TMC1: variants seen among roughly 807,000 people sequenced by gnomAD.
TMC1 encodes transmembrane channel-like protein 1.
In TMC1, 84 loss-of-function variants were observed where a neutral mutation model predicts 105.8. That is an observed-to-expected ratio of 0.79 (90% CI 0.67 to 0.95). The LOEUF (loss-of-function observed/expected upper bound fraction) is 0.95. Among genes scored for constraint, TMC1 ranks in the 40% least tolerant of loss-of-function variants. The probability of loss-of-function intolerance (pLI) is 0.00; values close to 1 mark genes in which losing one functional copy is unlikely to be tolerated. For synonymous variants in TMC1, 315 were observed against 311.5 expected, an observed-to-expected ratio of 1.01 and a Z score of -0.12; for missense variants, 817 against 914.1, an observed-to-expected ratio of 0.89 and a Z score of 1.37.
At chr9:72,652,771 A>C (rs11143366) in intron 5 of TMC1, among the ~76,000 whole-genome samples, 35,427 of 152,118 alleles carry the variant, frequency 0.23, 4,406 homozygotes, top group East Asian at 0.38. Flanking sequence ...ATGTATCAAT[A>C]GATTCTATGA....
intron 8 of TMC1, among the ~76,000 whole-genome samples, chr9:72,725,573 C>G (rs578029318): frequency 8.3e-4 from 126 of 151,488 alleles, no homozygotes; most frequent in Admixed American, 4.8e-3. Context: ...GGAGGCTAGG[C>G]CAGTCTCTCA....
chr9:72,708,665 T>C (rs993461504), intron 8 of TMC1, among the ~76,000 whole-genome samples: 1 of 152,178 alleles, frequency 6.6e-6, no homozygotes, highest in African/African-American at 2.4e-5. Flanking sequence ...AGGAGCTTTT[T>C]GGAGGAGTCT....
rs531483984 is a variant in TMC1 at position 72,837,668 on chromosome 9, G to A, written c.*1695G>A. 4.5e-4 allele frequency: 68 copies of A among 152,282 alleles called. No homozygotes were observed. The highest frequency in any genetic ancestry group is 1.6e-3 in the African/African-American group (65 of 41,552). The allele number at this position is 152,282 out of a possible 1,614,324, so 9.4% of individuals were successfully genotyped here. On this transcript the variant is annotated 3_prime_UTR_variant, in exon 24 of 24. Coordinates refer to ENST00000297784, the MANE Select transcript of TMC1 (RefSeq NM_138691.3). The stretch of plus-strand genomic sequence containing the variant: ...AGTGCCCTCACTAGCCTTGTTGTGC[G>A]ACTTTAATTGCATAGCTTAACTCAG...
At chr9:72,769,284 C>T (rs951585933) in intron 12 of TMC1, among the ~76,000 whole-genome samples, 1 of 152,162 alleles carries the variant, frequency 6.6e-6, no homozygotes, top group African/African-American at 2.4e-5. Flanking sequence ...AATAATAATT[C>T]CTCCCTTGTC....
In TMC1 at chr9:72,642,080, G is replaced by A. The variant is rs549035574; in HGVS notation, c.-52-6517G>A. ...GATCCGCCTGCCTTGGCCTCCCAAG[G>A]TGCTGGGATTACAGGAGTGAGCCAC... On this transcript the variant is annotated intron_variant, in intron 4 of 23. Coordinates refer to ENST00000297784, the MANE Select transcript of TMC1 (RefSeq NM_138691.3). Among the ~76,000 whole-genome samples, 596 of 152,120 alleles carry A rather than the reference G, an allele frequency of 3.9e-3. 3 individuals carry two copies. The highest frequency in any genetic ancestry group is 0.011 in the South Asian group (55 of 4,822).
intron 2 of TMC1, among the ~76,000 whole-genome samples, chr9:72,588,208 G>A (rs1288195382): frequency 2.0e-5 from 3 of 152,084 alleles, no homozygotes; most frequent in South Asian, 2.1e-4. Context: ...ATTTAAAGAC[G>A]GCTTCACTCC....
intron 5 of TMC1, among the ~76,000 whole-genome samples, chr9:72,671,177 A>T (rs1015769712): frequency 6.6e-6 from 1 of 152,222 alleles, no homozygotes; most frequent in African/African-American, 2.4e-5. Context: ...TGGGGCATAT[A>T]ATACAATGGG....
chr9:72,618,873 T>C (rs1034770587), intron 3 of TMC1, among the ~76,000 whole-genome samples: 2 of 152,194 alleles, frequency 1.3e-5, no homozygotes, highest in Non-Finnish European at 2.9e-5. Context: ...GAAACCTCAG[T>C]ATAAACTCAT....
chr9:72,745,170 G>C (rs1827468708), intron 10 of TMC1, among the ~76,000 whole-genome samples: 1 of 152,028 alleles, frequency 6.6e-6, no homozygotes, highest in Non-Finnish European at 1.5e-5. Context: ...CATTTATTGA[G>C]TACCACCATG....
At chr9:72,727,417 G>GA (rs1383030533) in intron 8 of TMC1, among the ~76,000 whole-genome samples, 4 of 151,302 alleles carry the variant, frequency 2.6e-5, no homozygotes, top group Non-Finnish European at 5.9e-5. Flanking sequence ...ATTACTTAAA[G>GA]AAAAAAAAGA....
At chr9:72,753,957 A>G (rs547072372) in intron 11 of TMC1, among the ~76,000 whole-genome samples, 2 of 152,296 alleles carry the variant, frequency 1.3e-5, no homozygotes, top group African/African-American at 4.8e-5. Flanking sequence ...GAGGTTGTGC[A>G]GCTTGTGCAC....
chr9:72,525,723 C>A (rs893825296), intron 1 of TMC1, among the ~76,000 whole-genome samples: 1 of 152,210 alleles, frequency 6.6e-6, no homozygotes, highest in Non-Finnish European at 1.5e-5. Flanking sequence ...TGCGGTGGCT[C>A]ACGCCTGTAA....
intron 5 of TMC1, among the ~76,000 whole-genome samples, chr9:72,655,283 C>A (rs926167200): frequency 2.0e-5 from 3 of 152,134 alleles, no homozygotes; most frequent in Non-Finnish European, 2.9e-5. Context: ...AAACCTCTTT[C>A]CTTTATAAAT....
chr9:72,731,488 G>A (rs757859595), intron 8 of TMC1, among the ~76,000 whole-genome samples: 11 of 152,182 alleles, frequency 7.2e-5, no homozygotes, highest in Non-Finnish European at 1.5e-4. Flanking sequence ...TTAGAGAAAT[G>A]AAACAGCATA....
chr9:72,720,290 A>C (rs1039142576), intron 8 of TMC1, among the ~76,000 whole-genome samples: 12 of 152,228 alleles, frequency 7.9e-5, no homozygotes, highest in Non-Finnish European at 2.9e-5. Flanking sequence ...CCCAGAAGTC[A>C]CAAACCTGAA....
chr9:72,554,125 T>G (rs1191151367), intron 1 of TMC1, among the ~76,000 whole-genome samples: 1 of 152,206 alleles, frequency 6.6e-6, no homozygotes, highest in East Asian at 1.9e-4. Context: ...TTAGTGCCTT[T>G]TTTTTCCCCA....
At chr9:72,746,836 A>G (rs2118039783) in intron 10 of TMC1, among the ~76,000 whole-genome samples, 1 of 152,300 alleles carries the variant, frequency 6.6e-6, no homozygotes, top group South Asian at 2.1e-4. Context: ...ACTTGGGAAT[A>G]CTGTGGGGTT....
At chr9:72,767,883 G>T (rs1827864547) in intron 12 of TMC1, among the ~76,000 whole-genome samples, 1 of 152,206 alleles carries the variant, frequency 6.6e-6, no homozygotes, top group African/African-American at 2.4e-5. Context: ...GTCTGCTGCT[G>T]TAGTTTTAAG....
At chr9:72,748,933 C>A (rs774451394) in intron 10 of TMC1, among the ~76,000 whole-genome samples, 1 of 152,184 alleles carries the variant, frequency 6.6e-6, no homozygotes, top group African/African-American at 2.4e-5. Context: ...TTAATGAAAT[C>A]TATTGGCCTG....
Sources: allele counts gnomAD v4.1 joint callset (sites outside exome capture counted in the v4.1 genomes callset), GRCh38; gene constraint gnomAD v4.1.1; transcripts MANE v1.5; gene names NCBI Gene and HGNC (gene_info 2026-07-23, HGNC 2026-07-21).